TMEM131: variants seen among roughly 807,000 people sequenced by gnomAD.
TMEM131 encodes the protein 2610524E03Rik.
Under a neutral mutation model 211.6 loss-of-function variants are expected in TMEM131, and 66 were observed. That is an observed-to-expected ratio of 0.31 (90% CI 0.26 to 0.38). The LOEUF is 0.38. Ranked by LOEUF, TMEM131 falls within the 10% of genes least tolerant of loss-of-function variation. The probability of loss-of-function intolerance (pLI) is 1.00; values close to 1 mark genes in which losing one functional copy is unlikely to be tolerated. For synonymous variants in TMEM131, 844 were observed against 841.3 expected (o/e 1.00, Z -0.06); for missense variants, 2,036 against 2,299.3 (o/e 0.89, Z 2.34).
intron 5 of TMEM131, among the ~76,000 whole-genome samples, chr2:97,850,042 G>A (rs777526070): frequency 6.6e-6 from 1 of 151,402 alleles, no homozygotes; most frequent in African/African-American, 2.4e-5. Flanking sequence ...AACTCCCTCT[G>A]ACAATATAAG....
At chr2:97,995,330 G>C (rs1017606380) in intron 1 of TMEM131, 146 bp downstream of exon 1, 29 of 733,724 alleles carry the variant, frequency 4.0e-5, no homozygotes, top group Non-Finnish European at 5.0e-5. Context: ...GGCGGGCGCC[G>C]CGAGGTCCCG....
chr2:97,897,045 T>G (rs1675644936), intron 3 of TMEM131, among the ~76,000 whole-genome samples: 1 of 152,118 alleles, frequency 6.6e-6, no homozygotes, highest in Admixed American at 6.6e-5. Flanking sequence ...CTCAACATTT[T>G]TTTTGTTAAA....
chr2:97,838,082 C>T (rs13012645), intron 7 of TMEM131, among the ~76,000 whole-genome samples: 57,034 of 152,030 alleles, frequency 0.38, 11,832 homozygotes, highest in African/African-American at 0.52. Flanking sequence ...ATGACTATAC[C>T]GCAGTTTTTC....
intron 31 of TMEM131, among the ~76,000 whole-genome samples, chr2:97,777,602 AGAGT>A (rs1679800798): frequency 6.6e-6 from 1 of 152,246 alleles, no homozygotes; most frequent in African/African-American, 2.4e-5. Context: ...AGCTAGAAAA[AGAGT>A]AAGTAAATCG....
At chr2:97,872,537 G>A (rs191537007) in intron 4 of TMEM131, among the ~76,000 whole-genome samples, 2 of 152,264 alleles carry the variant, frequency 1.3e-5, no homozygotes, top group African/African-American at 2.4e-5. Flanking sequence ...TGCAGAAGGC[G>A]GGTGACTTCT....
chr2:97,991,830 T>C (rs1373240761), intron 1 of TMEM131, among the ~76,000 whole-genome samples: 1 of 152,182 alleles, frequency 6.6e-6, no homozygotes, highest in Non-Finnish European at 1.5e-5. Flanking sequence ...CCAAGAGTAA[T>C]TTGGCTTATT....
At chr2:97,783,863 C>T (rs1573354497) in intron 31 of TMEM131, among the ~76,000 whole-genome samples, 1 of 151,160 alleles carries the variant, frequency 6.6e-6, no homozygotes, top group Non-Finnish European at 1.5e-5. Context: ...CTATAAGAAA[C>T]GTACTTCAAA....
chr2:97,932,077 G>A (rs1193024233), intron 1 of TMEM131, among the ~76,000 whole-genome samples: 1 of 151,504 alleles, frequency 6.6e-6, no homozygotes, highest in South Asian at 2.1e-4. Flanking sequence ...AGGGGGCAGA[G>A]GTTGCAGTGG....
At chr2:97,783,665 A>T (rs1480107011) in intron 31 of TMEM131, among the ~76,000 whole-genome samples, 3 of 152,072 alleles carry the variant, frequency 2.0e-5, no homozygotes, top group African/African-American at 4.8e-5. Flanking sequence ...ACAGAATTCT[A>T]AAAAATATAC....
chr2:97,830,132 T>A (rs1344998693), intron 11 of TMEM131, among the ~76,000 whole-genome samples: 4 of 72,352 alleles, frequency 5.5e-5, no homozygotes, highest in Non-Finnish European at 7.8e-5. Context: ...CATTATCAGT[T>A]AAAAAAAAAA....
intron 15 of TMEM131, among the ~76,000 whole-genome samples, chr2:97,813,256 G>C (rs1681644252): frequency 6.6e-6 from 1 of 152,174 alleles, no homozygotes; most frequent in African/African-American, 2.4e-5. Context: ...CATCACCAAT[G>C]ATCACTGAAA....
chr2:97,757,261 G>T lies in TMEM131; in HGVS notation c.5490C>A (p.Gly1830=). 1 of 1,613,962 alleles carries T rather than the reference G, an allele frequency of 6.2e-7. No individual in the cohort carries two copies. Among genetic ancestry groups the T allele is most frequent in the East Asian group, 2.2e-5 (1 of 44,860 alleles). ...CAGGGGAGTTTTCTGTGCCCATGAGGCCGATGCTTGCCAGCGTGTTTGCTG... is the reference window on the plus strand; with the variant it reads ...CAGGGGAGTTTTCTGTGCCCATGAGTCCGATGCTTGCCAGCGTGTTTGCTG... ...TTPANTLASI[G]LMGTENSPAP... is the part of the protein sequence containing the mutation. The change falls in exon 41 of 41, where the codon GGC becomes GGA. Residue 1830 remains glycine, a synonymous_variant. Coordinates refer to ENST00000186436, the MANE Select transcript of TMEM131 (RefSeq NM_015348.2).
At chr2:97,885,401 A>G (rs934931821) in intron 4 of TMEM131, among the ~76,000 whole-genome samples, 18 of 137,648 alleles carry the variant, frequency 1.3e-4, no homozygotes, top group East Asian at 5.9e-4. Flanking sequence ...TCACCATGTT[A>G]GCCAGGATGG....
chr2:97,792,969 G>A lies in TMEM131; in HGVS notation c.3561C>T (p.Ser1187=), dbSNP rs1039654973. Residue 1187 remains serine, a synonymous_variant, in exon 31 of 41, where the codon AGC becomes AGT. Coordinates refer to ENST00000186436, the MANE Select transcript of TMEM131 (RefSeq NM_015348.2). ...ACCCCCTACTGTGACCGGGGTCACA[G>A]CTGAGTGTGTTCAAGCTGAAAAAGG... is the stretch of plus-strand genomic sequence containing the variant. ...ISSEGNLNTL[S]CDPGHSRGFC... 1 of 1,578,518 alleles carries A rather than the reference G, an allele frequency of 6.3e-7. No individual in the cohort carries two copies. The highest frequency in any genetic ancestry group is 1.8e-5 in the Admixed American group (1 of 55,924).
At chr2:97,919,042 G>A (rs1676629108) in intron 2 of TMEM131, among the ~76,000 whole-genome samples, 1 of 152,110 alleles carries the variant, frequency 6.6e-6, no homozygotes. Flanking sequence ...CTTTCCATGT[G>A]GCTTAAGTTT....
intron 39 of TMEM131, 63 bp downstream of exon 39, chr2:97,759,589 C>T (rs1678707487): frequency 1.4e-6 from 2 of 1,390,512 alleles, no homozygotes; most frequent in Non-Finnish European, 2.0e-6. Context: ...CACAAAACCA[C>T]ACCTCCTCTC....
intron 40 of TMEM131, among the ~76,000 whole-genome samples, chr2:97,758,637 A>G (rs1315479936): frequency 1.3e-5 from 2 of 152,164 alleles, no homozygotes; most frequent in Non-Finnish European, 2.9e-5. Context: ...ATTAGGAGGG[A>G]CTCCAGAGAC....
intron 31 of TMEM131, among the ~76,000 whole-genome samples, chr2:97,782,461 A>C (rs1680056399): frequency 6.6e-6 from 1 of 152,246 alleles, no homozygotes; most frequent in Non-Finnish European, 1.5e-5. Context: ...GCCACTCTTC[A>C]TACCAAGAAT....
At chr2:97,764,106 C>CA (rs1213050329) in intron 35 of TMEM131, 1 of 152,204 alleles carries the variant, frequency 6.6e-6, no homozygotes, top group Non-Finnish European at 1.5e-5. Flanking sequence ...TATAGGGCAC[C>CA]ATGCTAAGGG....
Sources: gnomAD v4.1 joint callset for allele counts (sites outside exome capture counted in the v4.1 genomes callset) on GRCh38, gnomAD v4.1.1 for gene constraint, MANE v1.5 for transcripts, NCBI Gene and HGNC (gene_info 2026-07-23, HGNC 2026-07-21) for gene names.